Variants in DDX31 observed in about 807,000 individuals in gnomAD.
DDX31 encodes the protein ATP-dependent DNA helicase DDX31.
DDX31 carries 70 observed loss-of-function variants against 91.3 expected under a neutral mutation model. The ratio of observed to expected loss-of-function variants is 0.77; its 90% confidence interval spans 0.63 to 0.94. The LOEUF (loss-of-function observed/expected upper bound fraction) is 0.94, where lower values mean the gene tolerates loss of function less well. Among genes scored for constraint, DDX31 ranks in the 40% least tolerant of loss-of-function variants. The pLI, the probability that DDX31 is intolerant of heterozygous loss-of-function variation, is 0.00. For synonymous variants in DDX31, 362 were observed against 350.6 expected, an observed-to-expected ratio of 1.03 and a Z score of -0.36; for missense variants, 902 against 925.0, an observed-to-expected ratio of 0.98 and a Z score of 0.32.
intron 3 of DDX31, 51 bp downstream of exon 3, chr9:132,662,210 G>T: frequency 1.3e-6 from 2 of 1,590,428 alleles, no homozygotes; most frequent in Non-Finnish European, 1.7e-6. Context: ...CCTTCTGAAC[G>T]GACAAACACA....
At chr9:132,669,456 G>A (rs868023418) in intron 1 of DDX31, 9 of 589,894 alleles carry the variant, frequency 1.5e-5, no homozygotes, top group African/African-American at 1.2e-4. Flanking sequence ...TCCCAGACAG[G>A]AATGTGGGCA....
chr9:132,626,623 AT>A (rs1372233486), intron 16 of DDX31, among the ~76,000 whole-genome samples: 4 of 151,938 alleles, frequency 2.6e-5, no homozygotes, highest in Admixed American at 2.6e-4. Context: ...AAGACAAATG[AT>A]TTTGTTGTAT....
intron 17 of DDX31, among the ~76,000 whole-genome samples, chr9:132,622,887 T>G (rs1327453027): frequency 6.6e-6 from 1 of 152,070 alleles, no homozygotes; most frequent in African/African-American, 2.4e-5. Context: ...TCCCAGCACT[T>G]TGGGAGGCCA....
intron 14 of DDX31, among the ~76,000 whole-genome samples, chr9:132,634,045 T>C (rs1832950208): frequency 6.6e-6 from 1 of 152,012 alleles, no homozygotes; most frequent in Non-Finnish European, 1.5e-5. Context: ...AAAAGTTAAA[T>C]AAAGGAGGAG....
chr9:132,653,116 A>C (rs1264943195), intron 6 of DDX31, among the ~76,000 whole-genome samples: 2 of 140,422 alleles, frequency 1.4e-5, no homozygotes, highest in South Asian at 2.2e-4. Flanking sequence ...TTTATCTTAC[A>C]AAAAAAAAAA....
chr9:132,666,317 A>G (rs1468406209), intron 1 of DDX31, among the ~76,000 whole-genome samples: 1 of 152,038 alleles, frequency 6.6e-6, no homozygotes, highest in Non-Finnish European at 1.5e-5. Context: ...GAAGAAATAG[A>G]GCTTCATAAT....
rs776097064 is a variant in DDX31, at chr9:132,669,961, G to A, written c.-27C>T. The A allele has an allele frequency of 1.9e-6, 3 of 1,581,506 alleles. No homozygotes were observed. The highest frequency in any genetic ancestry group is 3.6e-5 in the Admixed American group (2 of 55,662). ...GTCTGCGTGGGTGACGCGTGGTGCA[G>A]CAGCGAGCCCGGTGCGCAGACTGCT... On this transcript the variant is annotated 5_prime_UTR_variant, in exon 1 of 20. Coordinates refer to ENST00000372159, the MANE Select transcript of DDX31 (RefSeq NM_022779.9).
intron 19 of DDX31, among the ~76,000 whole-genome samples, chr9:132,604,440 G>C (rs1174816605): frequency 6.6e-6 from 1 of 152,184 alleles, no homozygotes; most frequent in Non-Finnish European, 1.5e-5. Flanking sequence ...CATCTGTGCA[G>C]CTGGCCCAGG....
At chr9:132,634,812 C>A (rs909412713) in intron 14 of DDX31, among the ~76,000 whole-genome samples, 9 of 151,988 alleles carry the variant, frequency 5.9e-5, no homozygotes, top group Non-Finnish European at 1.3e-4. Context: ...CTCAAGCGAT[C>A]CCCCCATCCC....
intron 19 of DDX31, among the ~76,000 whole-genome samples, chr9:132,603,278 T>C (rs1382516140): frequency 2.6e-5 from 4 of 152,230 alleles, no homozygotes; most frequent in Non-Finnish European, 4.4e-5. Context: ...CAAATTACTC[T>C]GCATTTTGGA....
chr9:132,635,423 T>C (rs914438055), intron 14 of DDX31, among the ~76,000 whole-genome samples: 10 of 151,342 alleles, frequency 6.6e-5, no homozygotes, highest in Non-Finnish European at 1.5e-4. Flanking sequence ...CAACCTACTG[T>C]TAAGTATCAC....
intron 19 of DDX31, among the ~76,000 whole-genome samples, chr9:132,608,889 T>C (rs1021992347): frequency 1.3e-5 from 2 of 152,128 alleles, no homozygotes; most frequent in African/African-American, 4.8e-5. Context: ...GACTGAGGTG[T>C]GGAAAATCTG....
In DDX31 at chr9:132,669,896, C is replaced by T; in HGVS notation, c.39G>A (p.Arg13=). ...AADGSLFDNP[R]TFSRRPPAQA... The stretch of plus-strand genomic sequence containing the variant: ...GGGCTGGGGGACGTCTGGAGAACGT[C>T]CTGGGGTTGTCGAAGAGCGAACCGT... The change falls in exon 1 of 20, where the codon AGG becomes AGA. Residue 13 remains arginine, a synonymous_variant. Coordinates refer to ENST00000372159, the MANE Select transcript of DDX31 (RefSeq NM_022779.9). 2 of 1,597,084 alleles carry T rather than the reference C, an allele frequency of 1.3e-6. No homozygotes were observed. The highest frequency in any genetic ancestry group is 2.3e-5 in the South Asian group (2 of 88,282).
chr9:132,616,687 G>A (rs1239344331), intron 18 of DDX31, among the ~76,000 whole-genome samples: 1 of 152,172 alleles, frequency 6.6e-6, no homozygotes, highest in Non-Finnish European at 1.5e-5. Flanking sequence ...CCTCTTGAGA[G>A]ACACAGAGCA....
intron 14 of DDX31, among the ~76,000 whole-genome samples, chr9:132,635,046 G>A (rs1253268679): frequency 6.6e-6 from 1 of 152,034 alleles, no homozygotes; most frequent in South Asian, 2.1e-4. Context: ...TGAGGACATC[G>A]GACAACTGGA....
intron 19 of DDX31, among the ~76,000 whole-genome samples, chr9:132,597,417 A>G (rs306545): frequency 6.6e-6 from 1 of 152,216 alleles, no homozygotes; most frequent in African/African-American, 2.4e-5. Flanking sequence ...AGGGTCTGAC[A>G]GGAAGGAATG....
rs376117002 is a variant in DDX31 at position 132,595,458 on chromosome 9, C to T, written c.1995-346G>A. 3.9e-5 allele frequency among the ~76,000 whole-genome samples: 6 copies of T among 152,264 alleles called. No individual in the cohort carries two copies. The highest frequency in any genetic ancestry group is 1.9e-4 in the East Asian group (1 of 5,184). Reference sequence around the variant, plus strand: ...TGCCAAAGGACAGGGAAAAACCCACCGTCACACTCAACAACATGAAGCAGT... The same window carrying T: ...TGCCAAAGGACAGGGAAAAACCCACTGTCACACTCAACAACATGAAGCAGT... On this transcript the variant is annotated intron_variant, in intron 19 of 19. Coordinates refer to ENST00000372159, the MANE Select transcript of DDX31 (RefSeq NM_022779.9). The surrounding 1 kb of genome is among the most constrained non-coding windows in gnomAD (Gnocchi z 4.6).
rs200398224 is a variant in DDX31 at position 132,634,423 on chromosome 9, C to T, written c.1441-2332G>A. On this transcript the variant is annotated intron_variant, in intron 14 of 19. Coordinates refer to ENST00000372159, the MANE Select transcript of DDX31 (RefSeq NM_022779.9). ...GAACCATCTGAAAGTAGGTTGCAAA[C>T]ATCATGACAATTTAACCCTAAATAC... is the stretch of plus-strand genomic sequence containing the variant. Among the ~76,000 whole-genome samples the T allele has an allele frequency of 3.9e-4, 59 of 152,120 alleles. 1 individual carries two copies. The East Asian group carries it at 9.5e-3, about 24-fold the overall frequency.
chr9:132,595,105 G>A lies in DDX31; in HGVS notation c.2002C>T (p.Leu668Phe). ...TGTTTACTCTGGGTCTTCTTATGAA[G>A]GTCAGGCCTGAAGAACAGTAACAGC... The part of the protein sequence containing the change: ...KRKAHVKRPD[L>F]HKKTQSKHSL... The change falls in exon 20 of 20, where the codon CTT becomes TTT. Residue 668 changes from leucine to phenylalanine, a missense_variant. Physicochemically the swap from Leu to Phe is conservative, Grantham distance 22 (BLOSUM62 0). Transcript: ENST00000372159. This position sits in a 1 kb window ranked among gnomAD's most constrained non-coding sequence, Gnocchi z 4.6. 6.2e-6 allele frequency: 10 copies of A among 1,613,742 alleles called. No individual in the cohort carries two copies. Among genetic ancestry groups the A allele is most frequent in the Non-Finnish European group, 8.5e-6 (10 of 1,179,714 alleles).
Sources: gnomAD v4.1 joint callset for allele counts (sites outside exome capture counted in the v4.1 genomes callset) on GRCh38, gnomAD v4.1.1 for gene constraint, Gnocchi (gnomAD v3.1) non-coding constraint, MANE v1.5 for transcripts, NCBI Gene and HGNC (gene_info 2026-07-23, HGNC 2026-07-21) for gene names.